RGS9: variants seen among roughly 807,000 people sequenced by gnomAD.
RGS9 encodes the protein regulator of G-protein signalling 9.
Under a neutral mutation model 102.0 loss-of-function variants are expected in RGS9, and 78 were observed. The observed-to-expected ratio is 0.76, with a 90% CI of 0.64 to 0.92. The LOEUF is 0.92. Among genes scored for constraint, RGS9 ranks in the 40% least tolerant of loss-of-function variants. The pLI is 0.00. For missense variants in RGS9, 833 were observed against 866.1 expected (o/e 0.96, Z 0.48); for synonymous variants, 353 against 318.6 (o/e 1.11, Z -1.15).
chr17:65,199,816 G>C (rs562175306), intron 13 of RGS9, among the ~76,000 whole-genome samples: 1 of 146,348 alleles, frequency 6.8e-6, no homozygotes, highest in Non-Finnish European at 1.5e-5. Context: ...TTTAATGACT[G>C]CATAATATTT....
intron 14 of RGS9, among the ~76,000 whole-genome samples, chr17:65,202,444 T>TGTGTGTGTGTGAGAGA (rs3838367): frequency 3.2e-4 from 42 of 131,780 alleles, no homozygotes; most frequent in Non-Finnish European, 3.8e-4. Context: ...TGTGTGTGTG[T>TGTGTGTGTGTGAGAGA]GAGAGAGAGA....
At chr17:65,202,693 C>T (rs776035505) in intron 14 of RGS9, among the ~76,000 whole-genome samples, 3 of 152,062 alleles carry the variant, frequency 2.0e-5, no homozygotes, top group Non-Finnish European at 4.4e-5. Context: ...GTCTCTCCTC[C>T]AAATTACACA....
chr17:65,166,133 G>T (rs1340239607), intron 7 of RGS9, among the ~76,000 whole-genome samples: 1 of 152,094 alleles, frequency 6.6e-6, no homozygotes, highest in African/African-American at 2.4e-5. Context: ...AGGTGTTTGG[G>T]GACTTCAAGA....
chr17:65,227,166 G>A (rs1905724857), intron 18 of RGS9, 109 bp from the exon 19 acceptor site: 12 of 1,502,476 alleles, frequency 8.0e-6, no homozygotes, highest in South Asian at 1.1e-5. Context: ...CACAGTCTTT[G>A]GCAAATGCAC....
chr17:65,206,299 CTT>C (rs1338870805), intron 15 of RGS9, among the ~76,000 whole-genome samples: 1 of 152,134 alleles, frequency 6.6e-6, no homozygotes, highest in East Asian at 1.9e-4. Flanking sequence ...GTGGCTGTCT[CTT>C]TGTTTTTGTT....
intron 8 of RGS9, among the ~76,000 whole-genome samples, chr17:65,176,253 CAG>C (rs1911620157): frequency 1.3e-5 from 2 of 152,212 alleles, no homozygotes; most frequent in Non-Finnish European, 2.9e-5. Flanking sequence ...AGGGAACTAA[CAG>C]AGATTACAGT....
intron 9 of RGS9, among the ~76,000 whole-genome samples, chr17:65,183,082 A>T (rs1598594776): frequency 6.7e-6 from 1 of 150,158 alleles, no homozygotes; most frequent in East Asian, 2.0e-4. Context: ...CTATCTATCT[A>T]TCTATCTATC....
intron 11 of RGS9, among the ~76,000 whole-genome samples, chr17:65,191,436 G>A (rs540031420): frequency 2.0e-5 from 3 of 151,732 alleles, no homozygotes; most frequent in South Asian, 4.2e-4. Flanking sequence ...TGGGCCCGTC[G>A]AGGTGCCTCA....
chr17:65,208,610 C>T (rs147633354), intron 16 of RGS9, among the ~76,000 whole-genome samples: 99 of 152,092 alleles, frequency 6.5e-4, no homozygotes, highest in African/African-American at 1.9e-3. Context: ...AACTCTTTTC[C>T]GGGGGAATTC....
chr17:65,180,706 C>T (rs184741667), intron 9 of RGS9, among the ~76,000 whole-genome samples: 7 of 152,270 alleles, frequency 4.6e-5, no homozygotes, highest in Non-Finnish European at 7.4e-5. Flanking sequence ...TTCAGGTAAA[C>T]TGCATGTCAC....
chr17:65,168,337 C>A, intron 8 of RGS9, 56 bp downstream of exon 8: 2 of 1,196,580 alleles, frequency 1.7e-6, no homozygotes, highest in Non-Finnish European at 2.4e-6. Context: ...CCACCTCCAT[C>A]CTGTGCTCTC....
intron 1 of RGS9, among the ~76,000 whole-genome samples, chr17:65,142,789 G>A (rs1455240404): frequency 6.6e-6 from 1 of 151,964 alleles, no homozygotes; most frequent in African/African-American, 2.4e-5. Context: ...CACCATGTTG[G>A]TCAGGCTGGT....
intron 1 of RGS9, among the ~76,000 whole-genome samples, chr17:65,140,810 G>A (rs975482234): frequency 3.9e-5 from 6 of 152,050 alleles, no homozygotes; most frequent in African/African-American, 1.2e-4. Context: ...GGGAGGTGGA[G>A]GTTGCAGTAA....
At chr17:65,162,922 G>T in intron 6 of RGS9, 91 bp from the exon 7 acceptor site, 1 of 733,928 alleles carries the variant, frequency 1.4e-6, no homozygotes, top group Non-Finnish European at 2.5e-6. Flanking sequence ...ATGAGCCAGG[G>T]GTGTGCCCTT....
intron 17 of RGS9, among the ~76,000 whole-genome samples, chr17:65,223,752 C>CTTTTTTTTTTTTTTTTTTTTTTT (rs528795738): frequency 1.5e-5 from 2 of 137,592 alleles, no homozygotes; most frequent in Non-Finnish European, 3.2e-5. Context: ...TCATGCCAGG[C>CTTTTTTTTTTTTTTTTTTTTTTT]TTTTTTTTTT....
intron 1 of RGS9, among the ~76,000 whole-genome samples, chr17:65,144,244 C>G (rs766306647): frequency 6.6e-6 from 1 of 152,070 alleles, no homozygotes; most frequent in African/African-American, 2.4e-5. Flanking sequence ...AGAAAAGTAC[C>G]GATTATTATT....
intron 7 of RGS9, among the ~76,000 whole-genome samples, chr17:65,166,311 A>G (rs1301017851): frequency 4.6e-5 from 7 of 152,036 alleles, no homozygotes; most frequent in African/African-American, 9.7e-5. Flanking sequence ...AGTGTCAAAG[A>G]ATTGTAGACA....
At chr17:65,174,399 A>G (rs1416934024) in intron 8 of RGS9, among the ~76,000 whole-genome samples, 1 of 151,828 alleles carries the variant, frequency 6.6e-6, no homozygotes, top group East Asian at 1.9e-4. Flanking sequence ...CTGGGTGTGC[A>G]TGTATGTGAG....
intron 1 of RGS9, among the ~76,000 whole-genome samples, chr17:65,139,812 T>C (rs1425871048): frequency 1.3e-5 from 2 of 152,196 alleles, no homozygotes; most frequent in Non-Finnish European, 2.9e-5. Context: ...TATGTATGTA[T>C]TGGTCATGTC....
Sources: allele counts gnomAD v4.1 joint callset (sites outside exome capture counted in the v4.1 genomes callset), GRCh38; gene constraint gnomAD v4.1.1; transcripts MANE v1.5; gene names NCBI Gene and HGNC (gene_info 2026-07-23, HGNC 2026-07-21).